Variants in TRPC5 observed in about 807,000 individuals in gnomAD.
TRPC5 encodes the protein transient receptor potential cation channel subfamily C member 5, also known as short transient receptor potential channel 5.
In TRPC5, 9 loss-of-function variants were observed where a neutral mutation model predicts 56.5. The observed-to-expected ratio is 0.16, with a 90% CI of 0.10 to 0.28. TRPC5 has a LOEUF of 0.28. TRPC5 is among the 10% of genes least tolerant of loss of function. The pLI, the probability that TRPC5 is intolerant of heterozygous loss-of-function variation, is 1.00. For missense variants in TRPC5, 469 were observed against 748.9 expected (o/e 0.63, Z 4.36); for synonymous variants, 282 against 278.5 (o/e 1.01, Z -0.13).
intron 1 of TRPC5, among the ~76,000 whole-genome samples, chrX:112,009,325 C>T (rs1928929279): frequency 9.0e-6 from 1 of 111,305 alleles, no homozygotes; most frequent in South Asian, 3.8e-4. Context: ...GCTGAGGCAC[C>T]CAATATTTTC....
intron 2 of TRPC5, among the ~76,000 whole-genome samples, chrX:111,947,231 T>TAC (rs1443091356): frequency 2.7e-5 from 3 of 111,481 alleles, no homozygotes; most frequent in Non-Finnish European, 5.7e-5. Flanking sequence ...GTTAGGAGAG[T>TAC]GTGTTCAAGA....
Position 111,776,481 on chromosome X carries a change from G to A in TRPC5, c.2754C>T (p.Cys918=), listed in dbSNP as rs1314464995. 8.3e-7 allele frequency: 1 copy of A among 1,210,865 alleles called. No individual in the cohort carries two copies. The highest frequency in any genetic ancestry group is 1.1e-6 in the Non-Finnish European group (1 of 895,203). Residue 918 remains cysteine (C), a synonymous_variant, in exon 11 of 11, where the codon TGC becomes TGT. Coordinates refer to ENST00000262839, the MANE Select transcript of TRPC5 (RefSeq NM_012471.3). ...GAAGAGAGCTGGAACAGGCTAGAGG[G>A]CATTCACTGCTCTGAGCAGCGCCCT... ...EVQGAAQSSE[C]PLACSSSLHC... is the part of the protein sequence containing the mutation.
In TRPC5 at chrX:111,970,490, CAG is replaced by C. The variant is rs1927748807; in HGVS notation, c.-21-18051_-21-18050del. Among the ~76,000 whole-genome samples the C allele has an allele frequency of 5.4e-5, 6 of 111,220 alleles. No individual in the cohort carries two copies. The Admixed American group carries it at 5.8e-4, about 11-fold the overall frequency. ...AAACCAGGTCAAGCTTATTGTTACT[CAG>C]AGAGTTTTACTTTTGTACAAGGTCA... On this transcript the variant is annotated intron_variant, in intron 1 of 10. Coordinates refer to ENST00000262839, the MANE Select transcript of TRPC5 (RefSeq NM_012471.3).
At chrX:111,989,604 T>C (rs1269148542) in intron 1 of TRPC5, among the ~76,000 whole-genome samples, 1 of 112,216 alleles carries the variant, frequency 8.9e-6, no homozygotes, top group Admixed American at 9.5e-5. Flanking sequence ...TCATCTTAGA[T>C]GTAGATTCTA....
At chrX:111,925,096 TG>T (rs1926223537) in intron 2 of TRPC5, among the ~76,000 whole-genome samples, 1 of 112,636 alleles carries the variant, frequency 8.9e-6, no homozygotes, top group Non-Finnish European at 1.9e-5. Flanking sequence ...AGAAGAAATA[TG>T]GGTTTATGAT....
At chrX:112,076,827 A>G in intron 1 of TRPC5, among the ~76,000 whole-genome samples, 1 of 111,581 alleles carries the variant, frequency 9.0e-6, no homozygotes, top group Non-Finnish European at 1.9e-5. Context: ...CTGAAAAAAT[A>G]TTTGTTTCTA....
chrX:111,951,522 C>G (rs2108413), intron 2 of TRPC5, among the ~76,000 whole-genome samples: 5,200 of 111,486 alleles, frequency 0.047, 310 homozygotes, highest in African/African-American at 0.16. Flanking sequence ...GGCAAAATCC[C>G]AAACATTTGG....
chrX:111,790,330 G>A (rs1006099608), intron 7 of TRPC5, among the ~76,000 whole-genome samples: 2 of 111,236 alleles, frequency 1.8e-5, no homozygotes, highest in Admixed American at 9.5e-5. Context: ...CACACTGCAT[G>A]TTCTCACTCA....
chrX:112,057,595 A>G (rs1930370804), intron 1 of TRPC5, among the ~76,000 whole-genome samples: 1 of 111,580 alleles, frequency 9.0e-6, no homozygotes, highest in Non-Finnish European at 1.9e-5. Context: ...CCACGTTCCT[A>G]TGTGTCTAAT....
chrX:111,900,376 T>C (rs999132997), intron 3 of TRPC5, among the ~76,000 whole-genome samples: 9 of 111,467 alleles, frequency 8.1e-5, no homozygotes, highest in Admixed American at 3.8e-4. Context: ...AACATGTAGA[T>C]ATACCCAAGA....
At chrX:111,893,285 G>A (rs9969911) in intron 3 of TRPC5, among the ~76,000 whole-genome samples, 18,313 of 109,842 alleles carry the variant, frequency 0.17, 2,795 homozygotes, top group African/African-American at 0.49. Context: ...TGTCATCTGC[G>A]CTGTAATATT....
intron 7 of TRPC5, among the ~76,000 whole-genome samples, chrX:111,808,626 G>C (rs1288904476): frequency 9.1e-6 from 1 of 110,077 alleles, no homozygotes; most frequent in African/African-American, 3.3e-5. Context: ...GAGACTGCTT[G>C]GTGCTCTACT....
intron 3 of TRPC5, among the ~76,000 whole-genome samples, chrX:111,882,405 G>A (rs183868693): frequency 8.9e-6 from 1 of 112,261 alleles, no homozygotes; most frequent in African/African-American, 3.2e-5. Context: ...GAAACTGCAG[G>A]ATAACTGAGG....
intron 2 of TRPC5, among the ~76,000 whole-genome samples, chrX:111,929,996 C>T (rs925933059): frequency 8.9e-6 from 1 of 112,101 alleles, no homozygotes; most frequent in African/African-American, 3.2e-5. Context: ...GCCCAGTAGC[C>T]ATTCTGCCTC....
At chrX:111,789,750 A>C (rs1303177491) in intron 7 of TRPC5, among the ~76,000 whole-genome samples, 2 of 112,413 alleles carry the variant, frequency 1.8e-5, no homozygotes, top group African/African-American at 6.5e-5. Context: ...AATGGGCAAA[A>C]GATATAAACA....
chrX:111,840,094 C>G (rs1040817043), intron 6 of TRPC5, among the ~76,000 whole-genome samples: 1 of 112,331 alleles, frequency 8.9e-6, no homozygotes, highest in Admixed American at 9.4e-5. Context: ...GGTGTGAACC[C>G]GGGAGGTGGA....
chrX:111,834,551 C>T (rs1922508153), intron 7 of TRPC5, among the ~76,000 whole-genome samples: 1 of 111,782 alleles, frequency 8.9e-6, no homozygotes, highest in Non-Finnish European at 1.9e-5. Flanking sequence ...AGATAGGGCT[C>T]TCTTGCCTAG....
chrX:111,910,282 T>C (rs1925774414), intron 3 of TRPC5, among the ~76,000 whole-genome samples: 1 of 111,834 alleles, frequency 8.9e-6, no homozygotes, highest in African/African-American at 3.3e-5. Context: ...TTATGTAAAG[T>C]GAAAAAACAC....
At chrX:111,957,208 A>T (rs1927259678) in intron 1 of TRPC5, among the ~76,000 whole-genome samples, 1 of 111,786 alleles carries the variant, frequency 8.9e-6, no homozygotes, top group Non-Finnish European at 1.9e-5. Context: ...AGCACAGATT[A>T]TACTGTGGCT....
Sources: allele counts gnomAD v4.1 joint callset (sites outside exome capture counted in the v4.1 genomes callset), GRCh38; gene constraint gnomAD v4.1.1; transcripts MANE v1.5; gene names NCBI Gene and HGNC (gene_info 2026-07-23, HGNC 2026-07-21).